CWC25: variants seen among roughly 807,000 people sequenced by gnomAD.
CWC25 encodes the protein CWC25 spliceosome associated protein.
CWC25 carries 31 observed loss-of-function variants against 54.6 expected under a neutral mutation model. The ratio of observed to expected loss-of-function variants is 0.57; its 90% CI spans 0.43 to 0.77. CWC25 has a LOEUF of 0.77. CWC25 is among the 30% of genes least tolerant of loss of function. The pLI, the probability that CWC25 is intolerant of heterozygous loss-of-function variation, is 0.00. For synonymous variants in CWC25, 151 were observed against 187.0 expected, an observed-to-expected ratio of 0.81 and a Z score of 1.57; for missense variants, 453 against 529.3, an observed-to-expected ratio of 0.86 and a Z score of 1.41.
intron 2 of CWC25, among the ~76,000 whole-genome samples, chr17:38,817,597 G>A (rs763531208): frequency 1.3e-5 from 2 of 151,482 alleles, no homozygotes; most frequent in South Asian, 2.1e-4. Context: ...GGCCATCCAG[G>A]CCAACATGGT....
In CWC25 at chr17:38,815,095, T is replaced by C. The variant is rs1471895156; in HGVS notation, c.194A>G (p.Lys65Arg). The C allele has an allele frequency of 1.2e-6, 2 of 1,611,982 alleles. No homozygotes were observed. The highest frequency in any genetic ancestry group is 2.2e-5 in the South Asian group (2 of 90,716). The change falls in exon 3 of 10, where the codon AAA becomes AGA. Residue 65 changes from lysine (K) to arginine (R), a missense_variant and splice_region_variant. Lys to Arg is a conservative substitution (Grantham distance 26, BLOSUM62 2). This residue lies in a region of CWC25 where 444 missense variants were observed against 499.2 expected (regional missense o/e 0.89). Coordinates refer to ENST00000614790, the MANE Select transcript of CWC25 (RefSeq NM_017748.5). ...CATCCAGTCCAACTTTTCTTCTTTT[T>C]TCCTGGTTCAAGGGAAGAAAAAGAA... ...RYAEDVGAVK[K>R]KEEKLDWMYQ...
intron 3 of CWC25, among the ~76,000 whole-genome samples, chr17:38,813,991 A>G (rs1911595177): frequency 6.6e-6 from 1 of 151,858 alleles, no homozygotes; most frequent in Admixed American, 6.6e-5. Context: ...CCTCCTGAGT[A>G]GCTGGGACTA....
chr17:38,807,030 G>A (rs1911275657), intron 6 of CWC25, 54 bp from the exon 7 acceptor site: 4 of 1,470,824 alleles, frequency 2.7e-6, no homozygotes, highest in Admixed American at 1.8e-5. Context: ...AGCTATTCAG[G>A]AGAAAACGCG....
Position 38,806,179 on chromosome 17 carries a change from G to A in CWC25, c.1001+118C>T, listed in dbSNP as rs1911226742. The A allele has an allele frequency of 3.5e-6, 3 of 860,004 alleles. No individual in the cohort carries two copies. In the East Asian group the frequency reaches 7.9e-5, roughly 23 times the overall value. The allele number at this position is 860,004 out of a possible 1,614,324, so 53.3% of individuals were successfully genotyped here. ...GACGCAGACCCTTACAGGTTGGCAAGATAAATAAAAGTTGGTTCGTCGAAA... is the reference window on the plus strand; with the variant it reads ...GACGCAGACCCTTACAGGTTGGCAAAATAAATAAAAGTTGGTTCGTCGAAA... On this transcript the variant is annotated intron_variant, in intron 8 of 9. Coordinates refer to ENST00000614790, the MANE Select transcript of CWC25 (RefSeq NM_017748.5).
intron 2 of CWC25, among the ~76,000 whole-genome samples, chr17:38,816,997 A>ATT (rs71352315): frequency 6.6e-6 from 1 of 150,914 alleles, no homozygotes. Flanking sequence ...ACCCTTTAGA[A>ATT]TTTTTTTCAT....
rs144985754 is a variant in CWC25 at position 38,807,043 on chromosome 17, C to A, written c.691-67G>T. 2.8e-4 allele frequency: 374 copies of A among 1,323,008 alleles called. 1 individual carries two copies. In the African/African-American group the frequency reaches 5.0e-3, roughly 18 times the overall value. The allele number at this position is 1,323,008 out of a possible 1,614,324, so 82.0% of individuals were successfully genotyped here. A position where few individuals can be genotyped will look rare whatever the true frequency, so the allele number is the denominator to read the frequency against. On this transcript the variant is annotated intron_variant, in intron 6 of 9. Coordinates refer to ENST00000614790, the MANE Select transcript of CWC25 (RefSeq NM_017748.5). Reference sequence around the variant, plus strand: ...CCAGCTATTCAGGAGAAAACGCGGCCGGGCTCAGTGGCTCACGCCTGTAAT... The same window carrying A: ...CCAGCTATTCAGGAGAAAACGCGGCAGGGCTCAGTGGCTCACGCCTGTAAT...
chr17:38,819,985 T>C (rs893821344), intron 2 of CWC25, among the ~76,000 whole-genome samples: 1 of 152,176 alleles, frequency 6.6e-6, no homozygotes, highest in African/African-American at 2.4e-5. Flanking sequence ...TTTTTTCTAT[T>C]GTTTTGTAGA....
intron 6 of CWC25, among the ~76,000 whole-genome samples, chr17:38,807,851 G>A (rs1911316409): frequency 7.3e-6 from 1 of 137,700 alleles, no homozygotes; most frequent in Non-Finnish European, 1.6e-5. Flanking sequence ...GAGGCCAGGA[G>A]ATCAAGACCA....
chr17:38,819,642 A>G (rs1276928659), intron 2 of CWC25, among the ~76,000 whole-genome samples: 1 of 146,234 alleles, frequency 6.8e-6, no homozygotes, highest in African/African-American at 2.6e-5. Context: ...AAAGTGCTAG[A>G]TTACAGGCGT....
At chr17:38,820,843 A>C in intron 2 of CWC25, 58 bp downstream of exon 2, 1 of 1,545,070 alleles carries the variant, frequency 6.5e-7, no homozygotes, top group African/African-American at 1.4e-5. Flanking sequence ...TGGATGATGC[A>C]TCTCAGGACA....
At chr17:38,803,318 A>AAT (rs1000233873) in intron 8 of CWC25, among the ~76,000 whole-genome samples, 4 of 152,248 alleles carry the variant, frequency 2.6e-5, no homozygotes, top group African/African-American at 9.6e-5. Context: ...AAGCTGAAGG[A>AAT]ATAACTTAGC....
intron 2 of CWC25, among the ~76,000 whole-genome samples, chr17:38,816,112 C>T (rs1220441707): frequency 6.6e-6 from 1 of 152,076 alleles, no homozygotes. Flanking sequence ...ATACCACAGA[C>T]AGTAAAGGCA....
chr17:38,814,958 T>C lies in CWC25; in HGVS notation c.331A>G (p.Thr111Ala). 2 of 1,613,804 alleles carry C rather than the reference T, an allele frequency of 1.2e-6. No homozygotes were observed. The highest frequency in any genetic ancestry group is 1.7e-6 in the Non-Finnish European group (2 of 1,179,874). ...AAGATAGAGCCTGGGAGAAGTCCTG[T>C]TTCAGAAGAGCAGCCTGCCTCCTTC... is the stretch of plus-strand genomic sequence containing the variant. ...EEKEAGCSSE[T>A]GLLPGSIFAP... The change falls in exon 3 of 10, where the codon ACA becomes GCA. Residue 111 changes from threonine to alanine, a missense_variant. By Grantham distance (58) the Thr-to-Ala change is moderately conservative. Coordinates refer to ENST00000614790, the MANE Select transcript of CWC25 (RefSeq NM_017748.5).
intron 4 of CWC25, among the ~76,000 whole-genome samples, chr17:38,812,320 A>G (rs1047341457): frequency 1.3e-5 from 2 of 152,160 alleles, no homozygotes; most frequent in African/African-American, 4.8e-5. Flanking sequence ...GGCTTAGCCC[A>G]CACTCTTCTT....
intron 3 of CWC25, among the ~76,000 whole-genome samples, chr17:38,813,810 C>T (rs1911586539): frequency 6.6e-6 from 1 of 152,120 alleles, no homozygotes; most frequent in Non-Finnish European, 1.5e-5. Context: ...TCCCAAAGTG[C>T]TGGGATTACA....
In CWC25 at chr17:38,810,452, G is replaced by T; in HGVS notation, c.626+16C>A. ...AGTGAATCAACGAGAAGGGAGGCCA[G>T]TCGCCACATGCTCACCTCCCTGCAC... is the stretch of plus-strand genomic sequence containing the variant. On this transcript the variant is annotated intron_variant, in intron 5 of 9. Transcript: ENST00000614790. 6.5e-7 allele frequency: 1 copy of T among 1,534,282 alleles called. No homozygotes were observed. Among genetic ancestry groups the T allele is most frequent in the African/African-American group, 1.4e-5 (1 of 72,748 alleles).
At position 38,801,201 on chromosome 17, in the gene CWC25, T is replaced by A. The variant is rs1911008140; in HGVS notation, c.*891A>T. 6.6e-6 allele frequency: 1 copy of A among 152,248 alleles called. No homozygotes were observed. Among genetic ancestry groups the A allele is most frequent in the East Asian group, 1.9e-4 (1 of 5,188 alleles). 9.4% of individuals were successfully genotyped at this position (152,248 alleles called of 1,614,324 possible). A position where few individuals can be genotyped will look rare whatever the true frequency, so the allele number is the denominator to read the frequency against. On this transcript the variant is annotated 3_prime_UTR_variant, in exon 10 of 10. Transcript: ENST00000614790. ...GAAGTGAAGCCGCAAAATAAAAACT[T>A]CCATTTTATTTTCCTTTAGGAGCCA...
rs1201453008 is a variant in CWC25 at position 38,802,039 on chromosome 17, G to A, written c.*53C>T. On this transcript the variant is annotated 3_prime_UTR_variant, in exon 10 of 10. Transcript: ENST00000614790. ...GAACTCTTATAAAGAGAATTAAGGG[G>A]TCAGCAGCTTCCCTGGAAAATGCAG... 1.7e-6 allele frequency: 2 copies of A among 1,150,586 alleles called. No homozygotes were observed. Among genetic ancestry groups the A allele is most frequent in the African/African-American group, 1.5e-5 (1 of 65,702 alleles). 71.3% of individuals were successfully genotyped at this position (1,150,586 alleles called of 1,614,324 possible).
chr17:38,807,098 G>T (rs1911280073), intron 6 of CWC25, 122 bp from the exon 7 acceptor site: 4 of 666,352 alleles, frequency 6.0e-6, no homozygotes, highest in Admixed American at 3.0e-5. Flanking sequence ...GAGGCGGGGG[G>T]GATCACCTGA....
Sources: gnomAD v4.1 joint callset for allele counts (sites outside exome capture counted in the v4.1 genomes callset) on GRCh38, gnomAD v4.1.1 for gene constraint, gnomAD v4.1.1 regional missense constraint, MANE v1.5 for transcripts, NCBI Gene and HGNC (gene_info 2026-07-23, HGNC 2026-07-21) for gene names.